PRKG1: variants seen among roughly 807,000 people sequenced by gnomAD.
The protein encoded by PRKG1 is cGMP-dependent protein kinase 1.
In PRKG1, 35 loss-of-function variants were observed where a neutral mutation model predicts 88.1. The observed-to-expected ratio is 0.40, with a 90% CI of 0.30 to 0.53. PRKG1 has a LOEUF of 0.53. Ranked by LOEUF, PRKG1 falls within the 20% of genes least tolerant of loss-of-function variation. The pLI is 0.59. For synonymous variants in PRKG1, 303 were observed against 292.5 expected, an observed-to-expected ratio of 1.04 and a Z score of -0.37; for missense variants, 540 against 839.8, an observed-to-expected ratio of 0.64 and a Z score of 4.41.
intron 3 of PRKG1, among the ~76,000 whole-genome samples, chr10:51,580,554 T>C (rs559822562): frequency 6.6e-6 from 1 of 152,142 alleles, no homozygotes; most frequent in Non-Finnish European, 1.5e-5. Context: ...ACCACTCCTC[T>C]TTCTTGAAAA....
chr10:52,016,310 G>A (rs10823959), intron 5 of PRKG1, among the ~76,000 whole-genome samples: 35,712 of 152,114 alleles, frequency 0.23, 4,760 homozygotes, highest in Admixed American at 0.31. Context: ...TTTTTATATG[G>A]CAGCAGGAGA....
At chr10:51,642,226 C>A (rs1406363005) in intron 3 of PRKG1, among the ~76,000 whole-genome samples, 1 of 152,010 alleles carries the variant, frequency 6.6e-6, no homozygotes, top group Non-Finnish European at 1.5e-5. Context: ...TCCTTCTCCA[C>A]TAAAAATACA....
chr10:51,403,557 A>G (rs552401377), intron 2 of PRKG1, among the ~76,000 whole-genome samples: 1 of 152,288 alleles, frequency 6.6e-6, no homozygotes, highest in Non-Finnish European at 1.5e-5. Context: ...TCATTTAAGG[A>G]TAAGACTCAA....
intron 2 of PRKG1, among the ~76,000 whole-genome samples, chr10:51,187,693 G>A (rs1260765736): frequency 6.6e-6 from 1 of 151,918 alleles, no homozygotes; most frequent in African/African-American, 2.4e-5. Flanking sequence ...TCAATATTGT[G>A]AATTTCCTAT....
At chr10:51,694,558 G>A (rs1421954937) in intron 3 of PRKG1, among the ~76,000 whole-genome samples, 1 of 152,124 alleles carries the variant, frequency 6.6e-6, no homozygotes, top group African/African-American at 2.4e-5. Context: ...ATTAGGGCAA[G>A]GACTAATGGG....
intron 4 of PRKG1, among the ~76,000 whole-genome samples, chr10:51,836,269 CAATAGGGA>C (rs1209952403): frequency 6.6e-6 from 1 of 152,080 alleles, no homozygotes; most frequent in African/African-American, 2.4e-5. Flanking sequence ...CAAGAACACA[CAATAGGGA>C]AAGGGCAGTC....
At position 51,467,811 on chromosome 10, in the gene PRKG1, C is replaced by T. The variant is rs750443972; in HGVS notation, c.567C>T (p.Asn189=). The part of the protein sequence containing the change: ...KVFGELAILY[N]CTRTATVKTL... The stretch of plus-strand genomic sequence containing the variant: ...TTGGGGAATTGGCTATTCTTTACAA[C>T]TGTACCCGGACAGCGACCGTCAAGA... The change falls in exon 3 of 18, where the codon AAC becomes AAT. Residue 189 remains asparagine, a synonymous_variant. Coordinates refer to ENST00000373980, the MANE Select transcript of PRKG1 (RefSeq NM_006258.4). 3.1e-6 allele frequency: 5 copies of T among 1,612,650 alleles called. No homozygotes were observed. The Admixed American group carries it at 5.0e-5, about 16-fold the overall frequency.
intron 2 of PRKG1, among the ~76,000 whole-genome samples, chr10:51,158,014 G>A (rs950989531): frequency 1.1e-4 from 17 of 151,624 alleles, no homozygotes; most frequent in African/African-American, 3.9e-4. Context: ...TCTTTGTGTT[G>A]GGAACATTCA....
At chr10:51,065,745 GC>G (rs1417694154) in intron 1 of PRKG1, among the ~76,000 whole-genome samples, 3 of 151,998 alleles carry the variant, frequency 2.0e-5, no homozygotes, top group Non-Finnish European at 4.4e-5. Flanking sequence ...TATAGTGAGC[GC>G]CTTCCTGTTC....
intron 3 of PRKG1, among the ~76,000 whole-genome samples, chr10:51,785,048 A>C (rs1358684480): frequency 6.6e-6 from 1 of 151,362 alleles, no homozygotes; most frequent in African/African-American, 2.4e-5. Flanking sequence ...ATAAAATTGC[A>C]ATTTGATTGT....
At chr10:51,448,551 A>G (rs1256682990) in intron 2 of PRKG1, among the ~76,000 whole-genome samples, 2 of 152,090 alleles carry the variant, frequency 1.3e-5, no homozygotes, top group African/African-American at 4.8e-5. Context: ...ATCCTTATTC[A>G]TTTATTCAAC....
intron 3 of PRKG1, among the ~76,000 whole-genome samples, chr10:51,520,556 T>C (rs566068738): frequency 8.1e-4 from 123 of 152,142 alleles, no homozygotes; most frequent in Non-Finnish European, 1.4e-3. Flanking sequence ...AAATGCATAA[T>C]AAACATTTTT....
intron 5 of PRKG1, among the ~76,000 whole-genome samples, chr10:51,958,322 A>G (rs1328551541): frequency 6.6e-6 from 1 of 152,170 alleles, no homozygotes; most frequent in Admixed American, 6.6e-5. Context: ...AGAATTTGTG[A>G]TTGTAGAAGC....
chr10:51,840,255 T>C, intron 4 of PRKG1, among the ~76,000 whole-genome samples: 1 of 152,126 alleles, frequency 6.6e-6, no homozygotes, highest in Non-Finnish European at 1.5e-5. Flanking sequence ...ATGTTAAGGA[T>C]TTTTGAAGCT....
At chr10:52,136,710 T>C (rs1397722923) in intron 8 of PRKG1, among the ~76,000 whole-genome samples, 2 of 152,098 alleles carry the variant, frequency 1.3e-5, no homozygotes, top group Non-Finnish European at 2.9e-5. Flanking sequence ...TAGGTAAATG[T>C]CCATGCACAG....
chr10:51,027,819 A>G (rs1843227123), intron 1 of PRKG1, among the ~76,000 whole-genome samples: 1 of 152,202 alleles, frequency 6.6e-6, no homozygotes, highest in Non-Finnish European at 1.5e-5. Context: ...GCTGTTTAAG[A>G]TTCTTAGTTT....
chr10:51,403,863 GA>G (rs1379640170), intron 2 of PRKG1, among the ~76,000 whole-genome samples: 1 of 151,978 alleles, frequency 6.6e-6, no homozygotes, highest in East Asian at 1.9e-4. Context: ...AATTATAAAA[GA>G]AAAAATAAAT....
At chr10:51,404,289 T>C (rs1012889419) in intron 2 of PRKG1, among the ~76,000 whole-genome samples, 1 of 152,274 alleles carries the variant, frequency 6.6e-6, no homozygotes, top group Non-Finnish European at 1.5e-5. Flanking sequence ...CAAATGCGAA[T>C]ACTTTGTGTC....
chr10:51,902,327 G>A (rs1049063563), intron 4 of PRKG1, among the ~76,000 whole-genome samples: 3 of 152,010 alleles, frequency 2.0e-5, no homozygotes, highest in African/African-American at 2.4e-5. Flanking sequence ...TGTTGGTCAG[G>A]CTGGTCTTGA....
Sources: gnomAD v4.1 joint callset for allele counts (sites outside exome capture counted in the v4.1 genomes callset) on GRCh38, gnomAD v4.1.1 for gene constraint, MANE v1.5 for transcripts, NCBI Gene and HGNC (gene_info 2026-07-23, HGNC 2026-07-21) for gene names.